The following COL14A1 variants were observed in gnomAD, a reference collection of about 807,000 sequenced individuals.
The protein encoded by COL14A1 is collagen type XIV alpha 1 chain.
Under a neutral mutation model 230.3 loss-of-function variants are expected in COL14A1, and 136 were observed. The ratio of observed to expected loss-of-function variants is 0.59; its 90% CI spans 0.51 to 0.68. The LOEUF is 0.68. Among genes scored for constraint, COL14A1 ranks in the 30% least tolerant of loss-of-function variants. COL14A1 has a pLI of 0.00. For synonymous variants in COL14A1, 792 were observed against 784.1 expected (o/e 1.01, Z -0.17); for missense variants, 1,976 against 2,215.8 (o/e 0.89, Z 2.17).
intron 35 of COL14A1, among the ~76,000 whole-genome samples, chr8:120,299,685 A>T (rs1820653210): frequency 6.6e-6 from 1 of 152,098 alleles, no homozygotes; most frequent in Non-Finnish European, 1.5e-5. Flanking sequence ...CTAGCTGGCC[A>T]GATTTCAGGC....
At chr8:120,358,001 T>G (rs1011880591) in intron 45 of COL14A1, among the ~76,000 whole-genome samples, 1 of 152,190 alleles carries the variant, frequency 6.6e-6, no homozygotes, top group Admixed American at 6.5e-5. Flanking sequence ...AAAAAAGCCA[T>G]TGACAAATTA....
At chr8:120,227,072 A>G (rs1818119411) in intron 16 of COL14A1, 148 bp from the exon 17 acceptor site, 1 of 824,878 alleles carries the variant, frequency 1.2e-6, no homozygotes, top group South Asian at 2.1e-5. Context: ...ATTGAAAGGA[A>G]TAAAGTCTCT....
chr8:120,214,395 A>C (rs1431609709), intron 13 of COL14A1, among the ~76,000 whole-genome samples: 1 of 152,204 alleles, frequency 6.6e-6, no homozygotes, highest in Admixed American at 6.5e-5. Context: ...CACTCAGTAA[A>C]TGTTAACAAT....
intron 8 of COL14A1, among the ~76,000 whole-genome samples, chr8:120,201,214 GA>G (rs1225385119): frequency 2.0e-5 from 3 of 151,924 alleles, no homozygotes; most frequent in African/African-American, 4.8e-5. Context: ...GACATCCAGG[GA>G]AAAAATTAAA....
At chr8:120,291,255 A>T (rs1231031260) in intron 34 of COL14A1, among the ~76,000 whole-genome samples, 2 of 151,948 alleles carry the variant, frequency 1.3e-5, no homozygotes, top group Non-Finnish European at 2.9e-5. Flanking sequence ...GAATGAATAG[A>T]CTCTAATTTA....
chr8:120,150,404 G>A (rs898052693), intron 2 of COL14A1, among the ~76,000 whole-genome samples: 5 of 152,108 alleles, frequency 3.3e-5, no homozygotes, highest in Admixed American at 6.6e-5. Context: ...TAGAGAGAAT[G>A]CATCTAAGAA....
At chr8:120,175,526 A>G (rs963624398) in intron 5 of COL14A1, among the ~76,000 whole-genome samples, 1 of 152,106 alleles carries the variant, frequency 6.6e-6, no homozygotes, top group Admixed American at 6.6e-5. Flanking sequence ...TGGGGGAAAA[A>G]TGAGATGAGC....
intron 47 of COL14A1, chr8:120,370,214 C>A: frequency 2.0e-6 from 2 of 990,744 alleles, no homozygotes; most frequent in Admixed American, 2.1e-5. Context: ...TTAAAATTTT[C>A]TGCTTCAGTA....
Position 120,280,112 on chromosome 8 carries a change from G to T in COL14A1, c.3646+13G>T, listed in dbSNP as rs775596142. ...ACAGCATCAGCAAGTTAGTTCTTTGGAATTTGTACTTACTCATGTTGCTTA... is the reference window on the plus strand; with the variant it reads ...ACAGCATCAGCAAGTTAGTTCTTTGTAATTTGTACTTACTCATGTTGCTTA... On this transcript the variant is annotated intron_variant, in intron 29 of 47. Coordinates refer to ENST00000297848, the MANE Select transcript of COL14A1 (RefSeq NM_021110.4). The T allele has an allele frequency of 1.2e-6, 2 of 1,613,286 alleles. No individual in the cohort carries two copies. The highest frequency in any genetic ancestry group is 1.7e-6 in the Non-Finnish European group (2 of 1,179,550).
intron 19 of COL14A1, among the ~76,000 whole-genome samples, chr8:120,237,948 A>G (rs1818498532): frequency 6.6e-6 from 1 of 152,212 alleles, no homozygotes. Flanking sequence ...CAGAGGCTGC[A>G]GAAAAGCAAA....
At chr8:120,206,091 T>C (rs553753791) in intron 9 of COL14A1, among the ~76,000 whole-genome samples, 7 of 152,320 alleles carry the variant, frequency 4.6e-5, no homozygotes, top group Non-Finnish European at 8.8e-5. Flanking sequence ...ACTTGTTGAA[T>C]TGAAATTTTT....
chr8:120,332,817 T>C (rs1586872796), intron 42 of COL14A1, 82 bp downstream of exon 42: 1 of 1,132,462 alleles, frequency 8.8e-7, no homozygotes, highest in East Asian at 2.5e-5. Context: ...AGCCTTTCTG[T>C]TAGTCAGAAA....
intron 29 of COL14A1, 103 bp from the exon 30 acceptor site, chr8:120,280,608 A>C: frequency 9.2e-7 from 1 of 1,091,980 alleles, no homozygotes; most frequent in Non-Finnish European, 1.4e-6. Flanking sequence ...TCCACAATCA[A>C]CTTCTGGAAA....
chr8:120,263,858 AAG>A (rs1394405917), intron 24 of COL14A1, among the ~76,000 whole-genome samples: 9 of 152,292 alleles, frequency 5.9e-5, no homozygotes, highest in African/African-American at 2.2e-4. Flanking sequence ...AACCTTCAAA[AAG>A]AGAGGATAAA....
intron 14 of COL14A1, among the ~76,000 whole-genome samples, chr8:120,221,423 A>G (rs1817929677): frequency 1.3e-5 from 2 of 152,200 alleles, no homozygotes; most frequent in Non-Finnish European, 2.9e-5. Flanking sequence ...TATTTTAACT[A>G]ATATAAATAA....
chr8:120,293,088 G>A lies in COL14A1; in HGVS notation c.4236+3322G>A, dbSNP rs183967977. On this transcript the variant is annotated intron_variant, in intron 34 of 47. Transcript: ENST00000297848. ...TAAAAAGTTTCTCCTGCATTTTCTG[G>A]TACCTAATGAAATGATTCTAGAAAA... Among the ~76,000 whole-genome samples the A allele has an allele frequency of 7.2e-5, 11 of 151,946 alleles. No individual in the cohort carries two copies. In the East Asian group the frequency reaches 2.1e-3, roughly 29 times the overall value.
intron 22 of COL14A1, among the ~76,000 whole-genome samples, chr8:120,253,789 C>T (rs2198754): frequency 0.3 from 44,948 of 151,670 alleles, 7,034 homozygotes; most frequent in East Asian, 0.41. Context: ...TCGGGTGTGG[C>T]GGCATGCACC....
intron 1 of COL14A1, among the ~76,000 whole-genome samples, chr8:120,125,779 T>A (rs1016946965): frequency 6.6e-6 from 1 of 152,126 alleles, no homozygotes; most frequent in African/African-American, 2.4e-5. Context: ...CACGCTGTTT[T>A]TATTTATCTT....
chr8:120,135,996 T>C (rs940823976), intron 1 of COL14A1, among the ~76,000 whole-genome samples: 115 of 152,310 alleles, frequency 7.6e-4, no homozygotes, highest in African/African-American at 2.7e-3. Context: ...AAGTAGGGTT[T>C]TGTTTTTGGT....
Sources: allele counts gnomAD v4.1 joint callset (sites outside exome capture counted in the v4.1 genomes callset), GRCh38; gene constraint gnomAD v4.1.1; transcripts MANE v1.5; gene names NCBI Gene and HGNC (gene_info 2026-07-23, HGNC 2026-07-21).